Variants in SEC22C observed in about 807,000 individuals in gnomAD.
SEC22C encodes the protein vesicle-trafficking protein SEC22c.
Under a neutral mutation model 34.7 loss-of-function variants are expected in SEC22C, and 29 were observed. The observed-to-expected ratio is 0.84, with a 90% CI of 0.62 to 1.14. SEC22C has a LOEUF of 1.14. SEC22C is among the 50% of genes most tolerant of loss of function. The pLI, the probability that SEC22C is intolerant of heterozygous loss-of-function variation, is 0.00. For synonymous variants in SEC22C, 117 were observed against 132.8 expected (o/e 0.88, Z 0.82); for missense variants, 337 against 369.0 (o/e 0.91, Z 0.71).
intron 6 of SEC22C, among the ~76,000 whole-genome samples, 173 bp from the exon 7 acceptor site, chr3:42,553,621 G>A (rs533056481): frequency 8.5e-5 from 13 of 152,300 alleles, no homozygotes; most frequent in African/African-American, 2.9e-4. Flanking sequence ...CTAATTATTG[G>A]ACGAAAGTGA....
At chr3:42,559,816 T>C (rs1702760468) in intron 4 of SEC22C, among the ~76,000 whole-genome samples, 1 of 152,172 alleles carries the variant, frequency 6.6e-6, no homozygotes, top group African/African-American at 2.4e-5. Context: ...TCATACTTTG[T>C]TATGTGATAA....
At chr3:42,577,395 A>G (rs1184971744) in intron 1 of SEC22C, among the ~76,000 whole-genome samples, 1 of 152,246 alleles carries the variant, frequency 6.6e-6, no homozygotes, top group Non-Finnish European at 1.5e-5. Flanking sequence ...TAGAATGTAT[A>G]AAGAACTCTT....
chr3:42,571,566 T>C (rs1559524583), intron 1 of SEC22C, among the ~76,000 whole-genome samples: 1 of 152,200 alleles, frequency 6.6e-6, no homozygotes. Flanking sequence ...CTTGACATTA[T>C]TTTCCTTTGT....
At position 42,548,403 on chromosome 3, in the gene SEC22C, T is replaced by C. The variant is rs544774957; in HGVS notation, c.*4845A>G. On this transcript the variant is annotated 3_prime_UTR_variant, in exon 7 of 7. Coordinates refer to ENST00000264454, the MANE Select transcript of SEC22C (RefSeq NM_032970.4). ...CAGAGGAATAGAATGGATTTGTTAA[T>C]TTTACCCTAAATAAAAGGCGCTTGT... 4.3e-5 allele frequency: 26 copies of C among 601,196 alleles called. No individual in the cohort carries two copies. In the African/African-American group the frequency reaches 4.4e-4, roughly 10 times the overall value. 37.2% of individuals were successfully genotyped at this position (601,196 alleles called of 1,614,324 possible).
chr3:42,570,579 T>C (rs886707662), intron 1 of SEC22C, among the ~76,000 whole-genome samples: 4 of 152,096 alleles, frequency 2.6e-5, no homozygotes, highest in Non-Finnish European at 2.9e-5. Flanking sequence ...ACACCTTCCA[T>C]TGGGGAGTAA....
At chr3:42,557,775 A>G in intron 4 of SEC22C, 79 bp from the exon 5 acceptor site, 1 of 686,526 alleles carries the variant, frequency 1.5e-6, no homozygotes, top group East Asian at 2.6e-5. Context: ...CATTAACTAG[A>G]CCTACACTAA....
intron 2 of SEC22C, among the ~76,000 whole-genome samples, chr3:42,566,163 T>C (rs1327488378): frequency 6.6e-6 from 1 of 152,168 alleles, no homozygotes; most frequent in Non-Finnish European, 1.5e-5. Context: ...GCTGCACATG[T>C]GGGCAGGTGC....
At chr3:42,587,934 G>A (rs544776105) in intron 1 of SEC22C, among the ~76,000 whole-genome samples, 1 of 151,620 alleles carries the variant, frequency 6.6e-6, no homozygotes, top group Non-Finnish European at 1.5e-5. Flanking sequence ...TTAGCTGGGC[G>A]TGGTGGTGCA....
upstream of SEC22C, among the ~76,000 whole-genome samples, chr3:42,583,724 A>C (rs614323): frequency 0.45 from 68,785 of 151,612 alleles, 18,266 homozygotes; most frequent in African/African-American, 0.74. Flanking sequence ...CAGGCACCAC[A>C]TAATAGAACA....
intron 4 of SEC22C, among the ~76,000 whole-genome samples, chr3:42,560,041 CAAG>C (rs1702779382): frequency 6.7e-6 from 1 of 150,000 alleles, no homozygotes; most frequent in South Asian, 2.1e-4. Flanking sequence ...CTCCCTCCAA[CAAG>C]AAGAGTGGGG....
chr3:42,581,335 T>C (rs1026211129), intron 1 of SEC22C: 4 of 152,240 alleles, frequency 2.6e-5, no homozygotes, highest in African/African-American at 9.6e-5. Context: ...GAGTGCTTTA[T>C]CCTTCTGGCT....
At chr3:42,590,783 C>A in intron 1 of SEC22C, 1 of 1,062,302 alleles carries the variant, frequency 9.4e-7, no homozygotes, top group Non-Finnish European at 1.5e-6. Context: ...TCACAAATGA[C>A]GTCCCTTCTG....
At chr3:42,596,882 T>G (rs1409387198) in intron 1 of SEC22C, among the ~76,000 whole-genome samples, 1 of 152,224 alleles carries the variant, frequency 6.6e-6, no homozygotes, top group Non-Finnish European at 1.5e-5. Flanking sequence ...ATTCTAGGTT[T>G]AAAGTTGTTT....
intron 4 of SEC22C, among the ~76,000 whole-genome samples, chr3:42,560,179 TA>T (rs1702810303): frequency 6.9e-6 from 1 of 145,120 alleles, no homozygotes; most frequent in South Asian, 2.1e-4. Flanking sequence ...ATTTTATATA[TA>T]ATATATATAT....
At chr3:42,585,767 G>A (rs1478914244), upstream of SEC22C, among the ~76,000 whole-genome samples, 1 of 152,160 alleles carries the variant, frequency 6.6e-6, no homozygotes, top group African/African-American at 2.4e-5. Context: ...GGCTCTAAGT[G>A]CTGCTGGACA....
chr3:42,567,273 G>A (rs955936916), intron 2 of SEC22C, among the ~76,000 whole-genome samples: 13 of 152,118 alleles, frequency 8.5e-5, no homozygotes, highest in African/African-American at 3.1e-4. Flanking sequence ...GCTAAGTAAA[G>A]GTCTAAAACG....
At chr3:42,592,875 C>A (rs1241375116) in intron 1 of SEC22C, among the ~76,000 whole-genome samples, 1 of 152,146 alleles carries the variant, frequency 6.6e-6, no homozygotes, top group Non-Finnish European at 1.5e-5. Flanking sequence ...CTACCCCCCC[C>A]ACCGTAAACT....
chr3:42,586,645 G>T (rs1030580945), upstream of SEC22C, among the ~76,000 whole-genome samples: 1 of 149,866 alleles, frequency 6.7e-6, no homozygotes, highest in East Asian at 2.0e-4. Flanking sequence ...TATATCTCTA[G>T]TCTCTTTCTC....
intron 1 of SEC22C, among the ~76,000 whole-genome samples, chr3:42,569,330 A>T (rs1703463310): frequency 6.6e-6 from 1 of 152,128 alleles, no homozygotes. Context: ...TCCAGAATTA[A>T]GCCAACTGGG....
Sources: allele counts gnomAD v4.1 joint callset (sites outside exome capture counted in the v4.1 genomes callset), GRCh38; gene constraint gnomAD v4.1.1; transcripts MANE v1.5; gene names NCBI Gene and HGNC (gene_info 2026-07-23, HGNC 2026-07-21).